The following SH3TC2 variants were observed in gnomAD, a reference collection of about 807,000 sequenced individuals.
The protein encoded by SH3TC2 is SH3 domain and tetratricopeptide repeats 2.
Under a neutral mutation model 124.5 loss-of-function variants are expected in SH3TC2, and 87 were observed. The ratio of observed to expected loss-of-function variants is 0.70; its 90% CI spans 0.59 to 0.84. The LOEUF (loss-of-function observed/expected upper bound fraction) is 0.84, where lower values mean the gene tolerates loss of function less well. SH3TC2 is among the 40% of genes least tolerant of loss of function. SH3TC2 has a pLI of 0.00. For synonymous variants in SH3TC2, 634 were observed against 628.5 expected (o/e 1.01, Z -0.13); for missense variants, 1,536 against 1,566.4 (o/e 0.98, Z 0.33).
At position 148,991,419 on chromosome 5, in the gene SH3TC2, C is replaced by A. The variant is rs1347035516; in HGVS notation, c.*13292G>T. On this transcript the variant is annotated 3_prime_UTR_variant, in exon 17 of 17. Transcript: ENST00000515425. ...GCAATTAAATCTACAGTTCCCTCAA[C>A]AACAAAGCTAACTTTAGCCATATGG... is the stretch of plus-strand genomic sequence containing the variant. Among the ~76,000 whole-genome samples, 2 of 152,194 alleles carry A rather than the reference C, an allele frequency of 1.3e-5. No homozygotes were observed.
At chr5:149,011,216 C>A (rs184568437) in intron 13 of SH3TC2, among the ~76,000 whole-genome samples, 1 of 152,174 alleles carries the variant, frequency 6.6e-6, no homozygotes, top group African/African-American at 2.4e-5. Flanking sequence ...GGCCTGGGAC[C>A]AGTTCTGGCC....
At chr5:149,017,461 T>A (rs1753895082) in intron 12 of SH3TC2, among the ~76,000 whole-genome samples, 1 of 152,108 alleles carries the variant, frequency 6.6e-6, no homozygotes, top group African/African-American at 2.4e-5. Flanking sequence ...CAGAAAAGTG[T>A]CCCAGAGTAA....
At position 148,989,143 on chromosome 5, in the gene SH3TC2, A is replaced by C. The variant is rs887000852; in HGVS notation, c.*15568T>G. Among the ~76,000 whole-genome samples, 1 of 152,170 alleles carries C rather than the reference A, an allele frequency of 6.6e-6. No individual in the cohort carries two copies. The highest frequency in any genetic ancestry group is 2.4e-5 in the African/African-American group (1 of 41,440). On this transcript the variant is annotated 3_prime_UTR_variant, in exon 17 of 17. Coordinates refer to ENST00000515425, the MANE Select transcript of SH3TC2 (RefSeq NM_024577.4). ...ATTTCCTTGAGTTCCTTTTGGAGTC[A>C]TTGAATTCCCTTTTTGAGTCTTTTT...
In SH3TC2 at chr5:148,998,317, A is replaced by G. The variant is rs530561401; in HGVS notation, c.*6394T>C. On this transcript the variant is annotated 3_prime_UTR_variant, in exon 17 of 17. Coordinates refer to ENST00000515425, the MANE Select transcript of SH3TC2 (RefSeq NM_024577.4). ...TGATTCAGAACTATTAATATTAAATACGTTCTTTACCAATGATACACTATT... is the reference window on the plus strand; with the variant it reads ...TGATTCAGAACTATTAATATTAAATGCGTTCTTTACCAATGATACACTATT... Among the ~76,000 whole-genome samples, 45 of 152,342 alleles carry G rather than the reference A, an allele frequency of 3.0e-4. No homozygotes were observed. The highest frequency in any genetic ancestry group is 1.1e-3 in the African/African-American group (45 of 41,572).
rs1382785576 is a variant in SH3TC2, at chr5:148,992,609, T to C, written c.*12102A>G. Among the ~76,000 whole-genome samples the C allele has an allele frequency of 1.3e-5, 2 of 150,470 alleles. No homozygotes were observed. The highest frequency in any genetic ancestry group is 4.9e-5 in the African/African-American group (2 of 40,976). ...AGAAGAGATTTCATTGGTTTTTTTT[T>C]TTTTTTTTTTTTTCAGATTTTCGAA... On this transcript the variant is annotated 3_prime_UTR_variant, in exon 17 of 17. Transcript: ENST00000515425.
chr5:148,996,831 C>T lies in SH3TC2; in HGVS notation c.*7880G>A, dbSNP rs532902078. On this transcript the variant is annotated 3_prime_UTR_variant, in exon 17 of 17. Coordinates refer to ENST00000515425, the MANE Select transcript of SH3TC2 (RefSeq NM_024577.4). ...ATACAGATCATGTTTAACTATGGTC[C>T]GCTAGATTTGGAAGGTTAAAATAAA... Among the ~76,000 whole-genome samples the T allele has an allele frequency of 2.2e-4, 34 of 152,150 alleles. No homozygotes were observed. Among genetic ancestry groups the T allele is most frequent in the Admixed American group, 1.0e-3 (16 of 15,290 alleles).
At chr5:149,015,044 A>T (rs1481469466) in intron 12 of SH3TC2, among the ~76,000 whole-genome samples, 1 of 152,228 alleles carries the variant, frequency 6.6e-6, no homozygotes, top group Non-Finnish European at 1.5e-5. Context: ...GCCAACTGAC[A>T]GAGCCAGCAT....
chr5:149,046,671 C>G (rs1754468936), intron 3 of SH3TC2: 1 of 152,226 alleles, frequency 6.6e-6, no homozygotes, highest in South Asian at 2.1e-4. Flanking sequence ...CAGGCCTCAA[C>G]TGTAGCCCAC....
rs991385949 is a variant in SH3TC2 at position 149,004,191 on chromosome 5, C to T, written c.*520G>A. 1.7e-5 allele frequency: 3 copies of T among 175,964 alleles called. No individual in the cohort carries two copies. The highest frequency in any genetic ancestry group is 7.2e-5 in the African/African-American group (3 of 41,736). The allele number at this position is 175,964 out of a possible 1,614,324, so 10.9% of individuals were successfully genotyped here. ...TTGAGCTAAGATCCTGGTGAATTCT[C>T]TCCTGTCAATCCCTGTGAGCATGAG... On this transcript the variant is annotated 3_prime_UTR_variant, in exon 17 of 17. Transcript: ENST00000515425.
At position 148,983,349 on chromosome 5, in the gene SH3TC2, A is replaced by T. The variant is rs1364059114; in HGVS notation, c.*21362T>A. On this transcript the variant is annotated 3_prime_UTR_variant, in exon 17 of 17. Transcript: ENST00000515425. ...GTCATGAATACACCTGTGGCCTAAG[A>T]TATGGTAATGGAGGGAACAGACCAG... Among the ~76,000 whole-genome samples the T allele has an allele frequency of 1.3e-5, 2 of 152,292 alleles. No homozygotes were observed. The highest frequency in any genetic ancestry group is 6.5e-5 in the Admixed American group (1 of 15,304).
chr5:148,999,076 C>T lies in SH3TC2; in HGVS notation c.*5635G>A, dbSNP rs990464501. Among the ~76,000 whole-genome samples, 1 of 152,184 alleles carries T rather than the reference C, an allele frequency of 6.6e-6. No homozygotes were observed. Among genetic ancestry groups the T allele is most frequent in the Non-Finnish European group, 1.5e-5 (1 of 68,036 alleles). ...TTCATACCAAGCCATCCATACATCT[C>T]GTCTCAATTAAAAGTCTGAGCAGAG... On this transcript the variant is annotated 3_prime_UTR_variant, in exon 17 of 17. Transcript: ENST00000515425.
intron 12 of SH3TC2, among the ~76,000 whole-genome samples, chr5:149,024,980 A>G (rs1219690856): frequency 6.6e-6 from 1 of 152,230 alleles, no homozygotes; most frequent in Non-Finnish European, 1.5e-5. Flanking sequence ...CAGTAGCCAG[A>G]GGTGCCAATA....
chr5:149,001,214 C>G lies in SH3TC2; in HGVS notation c.*3497G>C, dbSNP rs1753591981. ...TATATACACATGCACAATATAAAGG[C>G]ATCTTAAAATAATGGAAAAGCAAAT... On this transcript the variant is annotated 3_prime_UTR_variant, in exon 17 of 17. Coordinates refer to ENST00000515425, the MANE Select transcript of SH3TC2 (RefSeq NM_024577.4). The G allele has an allele frequency of 6.6e-6, 1 of 152,060 alleles. No individual in the cohort carries two copies. Among genetic ancestry groups the G allele is most frequent in the African/African-American group, 2.4e-5 (1 of 41,398 alleles). 9.4% of individuals were successfully genotyped at this position (152,060 alleles called of 1,614,324 possible).
At chr5:149,009,922 C>T (rs1753756015) in intron 14 of SH3TC2, among the ~76,000 whole-genome samples, 2 of 152,052 alleles carry the variant, frequency 1.3e-5, no homozygotes, top group South Asian at 2.1e-4. Context: ...CCCACCACAC[C>T]CCCAGTAGTA....
chr5:149,059,646 C>CAAAAAAAAAAAAAAAAAAAA (rs199998586), intron 1 of SH3TC2, among the ~76,000 whole-genome samples: 1 of 103,490 alleles, frequency 9.7e-6, no homozygotes. Flanking sequence ...TAATGTTTAG[C>CAAAAAAAAAAAAAAAAAAAA]AAAAAAAAAA....
Position 149,014,978 on chromosome 5 carries a change from A to G in SH3TC2, c.3054-2244T>C, listed in dbSNP as rs559388986. 3.9e-5 allele frequency among the ~76,000 whole-genome samples: 6 copies of G among 152,222 alleles called. No homozygotes were observed. The East Asian group carries it at 1.2e-3, about 29-fold the overall frequency. On this transcript the variant is annotated intron_variant, in intron 12 of 16. Coordinates refer to ENST00000515425, the MANE Select transcript of SH3TC2 (RefSeq NM_024577.4). ...TACTGTCCTGGGATGCCCTTGGGCT[A>G]CTATAGTTGTTTTCTCCAGACCTTC...
At chr5:149,030,571 C>G (rs116052670) in intron 9 of SH3TC2, among the ~76,000 whole-genome samples, 1 of 152,250 alleles carries the variant, frequency 6.6e-6, no homozygotes, top group Non-Finnish European at 1.5e-5. Flanking sequence ...CCTGCTCAAC[C>G]TCATAAGGCA....
chr5:149,026,878 TTA>T lies in SH3TC2; in HGVS notation c.2852_2853del (p.Leu951Ter). 6.2e-7 allele frequency: 1 copy of T among 1,614,174 alleles called. No individual in the cohort carries two copies. The highest frequency in any genetic ancestry group is 8.5e-7 in the Non-Finnish European group (1 of 1,180,036). On this transcript the variant is annotated frameshift_variant, in exon 11 of 17. Coordinates refer to ENST00000515425, the MANE Select transcript of SH3TC2 (RefSeq NM_024577.4). LOFTEE classifies it high-confidence loss of function. ...TACTTACTCTTTAGATGTCGATGCC[TTA>T]AGCCAAACAGCAATGCCATTTCATA... ...LCYEMALLFG[L>X]RHRHLKSQLQ... is the part of the protein sequence containing the mutation.
rs1278389854 is a variant in SH3TC2 at position 148,984,746 on chromosome 5, G to A, written c.*19965C>T. Among the ~76,000 whole-genome samples the A allele has an allele frequency of 6.6e-6, 1 of 152,168 alleles. No individual in the cohort carries two copies. The highest frequency in any genetic ancestry group is 1.5e-5 in the Non-Finnish European group (1 of 68,028). On this transcript the variant is annotated 3_prime_UTR_variant, in exon 17 of 17. Transcript: ENST00000515425. ...CCCTCAAAGAGCTGTGCTTGGTGCTGTAAACAAATTTGTTCCCAGTATCTG... is the reference window on the plus strand; with the variant it reads ...CCCTCAAAGAGCTGTGCTTGGTGCTATAAACAAATTTGTTCCCAGTATCTG...
Sources: allele counts gnomAD v4.1 joint callset (sites outside exome capture counted in the v4.1 genomes callset), GRCh38; gene constraint gnomAD v4.1.1; transcripts MANE v1.5; gene names NCBI Gene and HGNC (gene_info 2026-07-23, HGNC 2026-07-21).